The following EPHA5 variants were observed in gnomAD, a reference collection of about 807,000 sequenced individuals.
EPHA5 encodes EPH receptor A5.
EPHA5 carries 60 observed loss-of-function variants against 105.0 expected under a neutral mutation model. The ratio of observed to expected loss-of-function variants is 0.57; its 90% CI spans 0.46 to 0.71. The LOEUF is 0.71. Ranked by LOEUF, EPHA5 falls within the 30% of genes least tolerant of loss-of-function variation. The pLI is 0.00. For synonymous variants in EPHA5, 513 were observed against 449.1 expected, an observed-to-expected ratio of 1.14 and a Z score of -1.80; for missense variants, 1,218 against 1,274.7, an observed-to-expected ratio of 0.96 and a Z score of 0.68.
At chr4:65,342,293 C>T (rs146619596) in intron 14 of EPHA5, among the ~76,000 whole-genome samples, 1 of 152,084 alleles carries the variant, frequency 6.6e-6, no homozygotes, top group African/African-American at 2.4e-5. Context: ...TAATTACTTA[C>T]ATCCAAGGGC....
At chr4:65,534,732 A>T (rs975368950) in intron 3 of EPHA5, among the ~76,000 whole-genome samples, 1 of 152,194 alleles carries the variant, frequency 6.6e-6, no homozygotes, top group African/African-American at 2.4e-5. Context: ...GGATCTCATT[A>T]TGTTTCTATT....
intron 8 of EPHA5, among the ~76,000 whole-genome samples, chr4:65,389,083 G>A (rs1443895089): frequency 6.6e-6 from 1 of 151,876 alleles, no homozygotes; most frequent in African/African-American, 2.4e-5. Context: ...AATTTAAGTG[G>A]CTGAATTTCA....
At chr4:65,348,815 A>ATTTTTTTTT (rs10633855) in intron 13 of EPHA5, among the ~76,000 whole-genome samples, 1 of 64,120 alleles carries the variant, frequency 1.6e-5, no homozygotes, top group South Asian at 6.1e-4. Context: ...ATATATATAT[A>ATTTTTTTTT]TTTTTTTTTT....
chr4:65,494,632 A>G (rs1359050074), intron 4 of EPHA5, among the ~76,000 whole-genome samples: 4 of 152,226 alleles, frequency 2.6e-5, no homozygotes, highest in Non-Finnish European at 5.9e-5. Flanking sequence ...AGATGTGGCT[A>G]TATCTACTGC....
intron 2 of EPHA5, among the ~76,000 whole-genome samples, chr4:65,627,906 C>T (rs1180668739): frequency 6.6e-6 from 1 of 152,032 alleles, no homozygotes; most frequent in African/African-American, 2.4e-5. Context: ...AAAATAAAAG[C>T]ATAAACTATG....
intron 3 of EPHA5, among the ~76,000 whole-genome samples, chr4:65,505,843 T>A (rs980921688): frequency 6.6e-6 from 1 of 152,114 alleles, no homozygotes; most frequent in African/African-American, 2.4e-5. Flanking sequence ...ACTTTTCCTT[T>A]TATTTATTTA....
chr4:65,350,271 G>C (rs767383507), intron 13 of EPHA5, among the ~76,000 whole-genome samples: 3 of 151,966 alleles, frequency 2.0e-5, no homozygotes, highest in African/African-American at 7.2e-5. Context: ...ATACTTTATT[G>C]ATTAAGCTGA....
chr4:65,585,563 G>T (rs1742038831), intron 3 of EPHA5, among the ~76,000 whole-genome samples: 1 of 151,766 alleles, frequency 6.6e-6, no homozygotes, highest in Non-Finnish European at 1.5e-5. Flanking sequence ...AGCTGAAATG[G>T]CAGGATACAA....
chr4:65,521,964 A>G (rs973625341), intron 3 of EPHA5, among the ~76,000 whole-genome samples: 1 of 152,026 alleles, frequency 6.6e-6, no homozygotes, highest in Non-Finnish European at 1.5e-5. Context: ...TCTGAAAATC[A>G]TTATGTAACT....
chr4:65,492,559 A>T (rs1017311057), intron 4 of EPHA5, among the ~76,000 whole-genome samples: 2 of 151,524 alleles, frequency 1.3e-5, no homozygotes, highest in East Asian at 1.9e-4. Context: ...AAAAAAAAAA[A>T]AAATCCCCAC....
intron 5 of EPHA5, among the ~76,000 whole-genome samples, chr4:65,477,891 A>G (rs1729981891): frequency 6.6e-6 from 1 of 152,180 alleles, no homozygotes; most frequent in Admixed American, 6.5e-5. Flanking sequence ...AGGGAGAAAG[A>G]GAAGGAACAG....
intron 3 of EPHA5, among the ~76,000 whole-genome samples, chr4:65,497,795 A>G (rs1732088236): frequency 6.6e-6 from 1 of 152,038 alleles, no homozygotes; most frequent in Non-Finnish European, 1.5e-5. Context: ...AAAATAATAT[A>G]AATCGAAGTA....
At chr4:65,421,238 C>T (rs958469393) in intron 5 of EPHA5, among the ~76,000 whole-genome samples, 2 of 151,986 alleles carry the variant, frequency 1.3e-5, no homozygotes, top group African/African-American at 4.8e-5. Flanking sequence ...TATATCTGCT[C>T]TTTCGGGTAT....
In EPHA5 at chr4:65,437,783, G is replaced by C. The variant is rs527992593; in HGVS notation, c.1403-17218C>G. Among the ~76,000 whole-genome samples the C allele has an allele frequency of 4.6e-5, 7 of 151,800 alleles. No homozygotes were observed. In the South Asian group the frequency reaches 1.5e-3, roughly 32 times the overall value. Reference sequence around the variant, plus strand: ...CATTTGTAAAATTGGGGTTATATCTGTTTTACCTAACTCACAATGTCATAG... The same window carrying C: ...CATTTGTAAAATTGGGGTTATATCTCTTTTACCTAACTCACAATGTCATAG... On this transcript the variant is annotated intron_variant, in intron 5 of 16. Transcript: ENST00000613740.
chr4:65,524,981 T>C lies in EPHA5; in HGVS notation c.911-29438A>G, dbSNP rs144865580. 9.2e-5 allele frequency among the ~76,000 whole-genome samples: 14 copies of C among 151,860 alleles called. No individual in the cohort carries two copies. The East Asian group carries it at 2.1e-3, about 23-fold the overall frequency. ...CGTATCATTAAAAAGTCACATCTTTTTGTGAGTCAGTGTCTGATTGTTTTC... is the reference window on the plus strand; with the variant it reads ...CGTATCATTAAAAAGTCACATCTTTCTGTGAGTCAGTGTCTGATTGTTTTC... On this transcript the variant is annotated intron_variant, in intron 3 of 16. Coordinates refer to ENST00000613740, the MANE Select transcript of EPHA5 (RefSeq NM_001281766.3).
chr4:65,439,876 T>C (rs1032962858), intron 5 of EPHA5, among the ~76,000 whole-genome samples: 1 of 152,136 alleles, frequency 6.6e-6, no homozygotes, highest in African/African-American at 2.4e-5. Context: ...CCTTTGATAT[T>C]TTTAAAAAGC....
At chr4:65,419,255 G>A (rs969404918) in intron 6 of EPHA5, among the ~76,000 whole-genome samples, 4 of 149,374 alleles carry the variant, frequency 2.7e-5, no homozygotes, top group Admixed American at 1.3e-4. Context: ...TCATTAATAG[G>A]ACATTAGCAT....
chr4:65,398,222 C>A (rs1271480422), intron 8 of EPHA5, among the ~76,000 whole-genome samples: 3 of 152,164 alleles, frequency 2.0e-5, no homozygotes, highest in African/African-American at 7.2e-5. Context: ...GATTTTGGAG[C>A]AAAGTTGAGG....
intron 8 of EPHA5, among the ~76,000 whole-genome samples, chr4:65,403,348 ATATGAAC>A (rs1318442005): frequency 1.3e-5 from 2 of 152,124 alleles, no homozygotes; most frequent in African/African-American, 4.8e-5. Context: ...AACAAAATCA[ATATGAAC>A]ATTGATTTCC....
Sources: allele counts gnomAD v4.1 joint callset (sites outside exome capture counted in the v4.1 genomes callset), GRCh38; gene constraint gnomAD v4.1.1; transcripts MANE v1.5; gene names NCBI Gene and HGNC (gene_info 2026-07-23, HGNC 2026-07-21).